Variants in ITSN2 observed in about 807,000 individuals in gnomAD.
ITSN2 encodes the protein intersectin 2, also known as intersectin-2.
In ITSN2, 156 loss-of-function variants were observed where a neutral mutation model predicts 243.7. The observed-to-expected ratio is 0.64, with a 90% CI of 0.56 to 0.73. ITSN2 has a LOEUF of 0.73. Ranked by LOEUF, ITSN2 falls within the 30% of genes least tolerant of loss-of-function variation. The pLI, the probability that ITSN2 is intolerant of heterozygous loss-of-function variation, is 0.00. For synonymous variants in ITSN2, 703 were observed against 699.9 expected (o/e 1.00, Z -0.07); for missense variants, 1,801 against 1,996.1 (o/e 0.90, Z 1.86).
rs956584819 is a variant in ITSN2, at chr2:24,278,088, C to A, written c.1945-2239G>T. Among the ~76,000 whole-genome samples, 9 of 152,176 alleles carry A rather than the reference C, an allele frequency of 5.9e-5. No homozygotes were observed. In the East Asian group the frequency reaches 1.3e-3, roughly 23 times the overall value. ...CTTAGTTATTATTATTGGATGAAGTCAAAAATGAGGAGAGTACTCAGTCTA... is the reference window on the plus strand; with the variant it reads ...CTTAGTTATTATTATTGGATGAAGTAAAAAATGAGGAGAGTACTCAGTCTA... On this transcript the variant is annotated intron_variant, in intron 17 of 39. Transcript: ENST00000355123.
At chr2:24,242,931 A>G (rs913737380) in intron 29 of ITSN2, among the ~76,000 whole-genome samples, 1 of 152,220 alleles carries the variant, frequency 6.6e-6, no homozygotes, top group African/African-American at 2.4e-5. Flanking sequence ...TAATAACTTT[A>G]TAACAAAGAG....
intron 29 of ITSN2, among the ~76,000 whole-genome samples, chr2:24,237,677 AC>A (rs1672319978): frequency 6.6e-6 from 1 of 152,068 alleles, no homozygotes. Context: ...GAAATAACTG[AC>A]TTTTCCACCG....
At chr2:24,298,103 G>A (rs1454893542) in intron 13 of ITSN2, among the ~76,000 whole-genome samples, 1 of 151,454 alleles carries the variant, frequency 6.6e-6, no homozygotes, top group African/African-American at 2.4e-5. Flanking sequence ...TCCTGCCTCA[G>A]CCTCCCAAGT....
In ITSN2 at chr2:24,286,252, G is replaced by T; in HGVS notation, c.1823C>A (p.Ser608Tyr). The T allele has an allele frequency of 6.2e-7, 1 of 1,602,926 alleles. No homozygotes were observed. Among genetic ancestry groups the T allele is most frequent in the South Asian group, 1.1e-5 (1 of 90,558 alleles). ...AAAAGAATCCATTTCTGACAGCTTA[G>T]ATGCAGTTTCTTTTTCAAGAGCATC... ...QLDALEKETASKLSEMDSFNN... is the reference protein window; with the variant it reads ...QLDALEKETAYKLSEMDSFNN... The change falls in exon 16 of 40, where the codon TCT becomes TAT. Residue 608 changes from serine (S) to tyrosine (Y), a missense_variant. By Grantham distance (144) the Ser-to-Tyr change is moderately radical. This residue lies in a region of ITSN2 where 787 missense variants were observed against 803.9 expected (regional missense o/e 0.98). Coordinates refer to ENST00000355123, the MANE Select transcript of ITSN2 (RefSeq NM_006277.3).
intron 12 of ITSN2, among the ~76,000 whole-genome samples, chr2:24,299,678 T>A (rs765101715): frequency 1.3e-5 from 2 of 152,246 alleles, no homozygotes; most frequent in African/African-American, 2.4e-5. Flanking sequence ...AGATATCACC[T>A]GCAGAGGATG....
At chr2:24,355,249 G>A (rs974337742) in intron 1 of ITSN2, among the ~76,000 whole-genome samples, 5 of 152,168 alleles carry the variant, frequency 3.3e-5, no homozygotes, top group African/African-American at 1.2e-4. Flanking sequence ...TATTTCTGAT[G>A]TACCTTCAAC....
At chr2:24,232,201 C>T (rs1671697240) in intron 29 of ITSN2, among the ~76,000 whole-genome samples, 1 of 152,096 alleles carries the variant, frequency 6.6e-6, no homozygotes, top group South Asian at 2.1e-4. Flanking sequence ...TATGTTGCTC[C>T]TGTAAGCACA....
At chr2:24,337,341 T>TATACATATATATATAC (rs1686548799) in intron 1 of ITSN2, among the ~76,000 whole-genome samples, 1 of 117,262 alleles carries the variant, frequency 8.5e-6, no homozygotes, top group African/African-American at 3.2e-5. Flanking sequence ...TATATATATA[T>TATACATATATATATAC]ATATATATAT....
At chr2:24,209,358 C>T (rs1279962149) in intron 35 of ITSN2, 137 bp from the exon 36 acceptor site, 2 of 909,340 alleles carry the variant, frequency 2.2e-6, no homozygotes, top group East Asian at 2.6e-5. Flanking sequence ...AGGTCTTCTA[C>T]ACAGAACAAA....
intron 2 of ITSN2, among the ~76,000 whole-genome samples, chr2:24,327,138 T>C (rs1574324867): frequency 6.6e-6 from 1 of 152,124 alleles, no homozygotes; most frequent in Non-Finnish European, 1.5e-5. Flanking sequence ...TTTAAAAATA[T>C]AATGCATGTT....
At chr2:24,324,226 C>T (rs774914785) in intron 2 of ITSN2, among the ~76,000 whole-genome samples, 51 of 151,912 alleles carry the variant, frequency 3.4e-4, no homozygotes, top group Non-Finnish European at 4.6e-4. Flanking sequence ...AGCGAGACTC[C>T]GTCTCAAAAA....
chr2:24,296,877 C>T (rs1384765584), intron 13 of ITSN2, among the ~76,000 whole-genome samples: 1 of 152,158 alleles, frequency 6.6e-6, no homozygotes, highest in Non-Finnish European at 1.5e-5. Context: ...TGTATCTCTG[C>T]TGGAGCTCAC....
Position 24,310,515 on chromosome 2 carries a change from G to T in ITSN2, c.530C>A (p.Pro177His). The change falls in exon 6 of 40, where the codon CCT becomes CAT. Residue 177 changes from proline (P) to histidine (H), a missense_variant. Physicochemically the swap from Pro to His is moderately conservative, Grantham distance 77 (BLOSUM62 -2). This residue lies in a region of ITSN2 where 787 missense variants were observed against 803.9 expected (regional missense o/e 0.98). Coordinates refer to ENST00000355123, the MANE Select transcript of ITSN2 (RefSeq NM_006277.3). ...LPNGTASLIQ[P>H]LPIPYSSSTL... is the part of the protein sequence containing the mutation. ...TGAAGAAGAATAAGGAATGGGTAAA[G>T]GCTGAATGAGACTGGCGGTTCCATT... is the stretch of plus-strand genomic sequence containing the variant. 6.2e-7 allele frequency: 1 copy of T among 1,614,174 alleles called. No homozygotes were observed. Among genetic ancestry groups the T allele is most frequent in the Non-Finnish European group, 8.5e-7 (1 of 1,180,014 alleles).
At chr2:24,274,499 G>A (rs1218068623) in intron 18 of ITSN2, among the ~76,000 whole-genome samples, 7 of 152,074 alleles carry the variant, frequency 4.6e-5, no homozygotes, top group Non-Finnish European at 7.4e-5. Context: ...GCTTGAGCCC[G>A]GGAGGTCGAG....
chr2:24,290,474 T>C (rs1680101242), intron 15 of ITSN2, among the ~76,000 whole-genome samples: 1 of 152,250 alleles, frequency 6.6e-6, no homozygotes, highest in South Asian at 2.1e-4. Flanking sequence ...TCTTTCATTA[T>C]GATGTTTTCA....
chr2:24,252,867 T>C (rs536064480), intron 24 of ITSN2, among the ~76,000 whole-genome samples: 155 of 152,186 alleles, frequency 1.0e-3, no homozygotes, highest in Middle Eastern at 3.4e-3. Flanking sequence ...GATAATGGAG[T>C]CAAGATAGGA....
At chr2:24,276,596 C>T (rs529684430) in intron 17 of ITSN2, among the ~76,000 whole-genome samples, 2 of 152,328 alleles carry the variant, frequency 1.3e-5, no homozygotes, top group Admixed American at 1.3e-4. Flanking sequence ...TCTTCCTCTT[C>T]TTCAACAGCA....
chr2:24,302,106 A>G lies in ITSN2; in HGVS notation c.858-4T>C, dbSNP rs1318406119. ...ACCATCAACGTCAGCCAGAGTCCTA[A>G]AGAAAATGTTAAAATTCACAACTTA... is the stretch of plus-strand genomic sequence containing the variant. On this transcript the variant is annotated splice_region_variant and splice_polypyrimidine_tract_variant and intron_variant, in intron 9 of 39. Coordinates refer to ENST00000355123, the MANE Select transcript of ITSN2 (RefSeq NM_006277.3). 6.3e-7 allele frequency: 1 copy of G among 1,593,014 alleles called. No individual in the cohort carries two copies. The highest frequency in any genetic ancestry group is 8.5e-7 in the Non-Finnish European group (1 of 1,169,866).
At chr2:24,207,546 G>A (rs1441245699) in intron 37 of ITSN2, among the ~76,000 whole-genome samples, 1 of 152,006 alleles carries the variant, frequency 6.6e-6, no homozygotes, top group East Asian at 1.9e-4. Context: ...TGGGGTCCCC[G>A]AGGGAGAGCG....
Sources: allele counts gnomAD v4.1 joint callset (sites outside exome capture counted in the v4.1 genomes callset), GRCh38; gene constraint gnomAD v4.1.1; regional missense constraint gnomAD v4.1.1; transcripts MANE v1.5; gene names NCBI Gene and HGNC (gene_info 2026-07-23, HGNC 2026-07-21).